CBFA2T2: variants seen among roughly 807,000 people sequenced by gnomAD.
The protein encoded by CBFA2T2 is CBFA2/RUNX1 partner transcriptional co-repressor 2.
A neutral mutation model predicts 62.2 loss-of-function variants in CBFA2T2; 11 were observed. That is an observed-to-expected ratio of 0.18 (90% CI 0.11 to 0.29). CBFA2T2 has a LOEUF of 0.29. CBFA2T2 is among the 10% of genes least tolerant of loss of function. CBFA2T2 has a pLI of 1.00. For missense variants in CBFA2T2, 592 were observed against 774.1 expected (o/e 0.76, Z 2.79); for synonymous variants, 295 against 287.5 (o/e 1.03, Z -0.27).
Position 33,644,889 on chromosome 20 carries a change from C to T in CBFA2T2, c.*243C>T, listed in dbSNP as rs2016996134. On this transcript the variant is annotated 3_prime_UTR_variant, in exon 11 of 11. Transcript: ENST00000342704. Reference sequence around the variant, plus strand: ...CCTGAGCTGCCTCCTCCATGGCTTTCCTGGTTTGTTCCTCTCTCCACTGAA... The same window carrying T: ...CCTGAGCTGCCTCCTCCATGGCTTTTCTGGTTTGTTCCTCTCTCCACTGAA... 5.8e-6 allele frequency: 3 copies of T among 516,370 alleles called. No individual in the cohort carries two copies. Among genetic ancestry groups the T allele is most frequent in the Non-Finnish European group, 1.0e-5 (3 of 293,310 alleles). The allele number at this position is 516,370 out of a possible 1,614,324, so 32.0% of individuals were successfully genotyped here. A position where few individuals can be genotyped will look rare whatever the true frequency, so the allele number is the denominator to read the frequency against.
At chr20:33,592,595 C>T (rs1269308689) in intron 1 of CBFA2T2, among the ~76,000 whole-genome samples, 1 of 151,944 alleles carries the variant, frequency 6.6e-6, no homozygotes, top group African/African-American at 2.4e-5. Flanking sequence ...CATTGTAGCA[C>T]ATCCCTGTAG....
At chr20:33,533,147 C>A (rs1408386179) in intron 1 of CBFA2T2, among the ~76,000 whole-genome samples, 1 of 152,062 alleles carries the variant, frequency 6.6e-6, no homozygotes, top group Non-Finnish European at 1.5e-5. Flanking sequence ...AATTGACTTA[C>A]AATAAACTAC....
chr20:33,515,814 A>C (rs894489491), intron 1 of CBFA2T2, among the ~76,000 whole-genome samples: 1 of 150,858 alleles, frequency 6.6e-6, no homozygotes, highest in East Asian at 1.9e-4. Context: ...AAAAAAAAAA[A>C]AAAAAAACGG....
intron 1 of CBFA2T2, among the ~76,000 whole-genome samples, chr20:33,590,192 G>A (rs913237973): frequency 6.6e-6 from 1 of 151,270 alleles, no homozygotes; most frequent in Non-Finnish European, 1.5e-5. Context: ...GCTGCAGTGA[G>A]CCTAGGTTAT....
chr20:33,539,700 TTG>T (rs2012360216), intron 1 of CBFA2T2, among the ~76,000 whole-genome samples: 1 of 151,660 alleles, frequency 6.6e-6, no homozygotes. Flanking sequence ...TTTTTTTTTT[TTG>T]GTAGAAGACA....
At chr20:33,572,582 C>T (rs533874401) in intron 1 of CBFA2T2, among the ~76,000 whole-genome samples, 1 of 152,034 alleles carries the variant, frequency 6.6e-6, no homozygotes, top group Non-Finnish European at 1.5e-5. Context: ...ATGAAATAGT[C>T]GGTGGATGTC....
intron 1 of CBFA2T2, among the ~76,000 whole-genome samples, chr20:33,492,570 A>C (rs141735356): frequency 5.3e-5 from 8 of 151,860 alleles, no homozygotes; most frequent in Non-Finnish European, 1.2e-4. Flanking sequence ...ACTGGAGTGC[A>C]GTGGCGTCAT....
chr20:33,517,153 C>G (rs1405730658), intron 1 of CBFA2T2, among the ~76,000 whole-genome samples: 1 of 152,184 alleles, frequency 6.6e-6, no homozygotes, highest in Non-Finnish European at 1.5e-5. Flanking sequence ...GCAGATCTAC[C>G]AATTACCTGT....
At chr20:33,619,737 T>G in intron 4 of CBFA2T2, 131 bp downstream of exon 4, 2 of 600,548 alleles carry the variant, frequency 3.3e-6, no homozygotes, top group Non-Finnish European at 5.7e-6. Context: ...TAGAGAGGTC[T>G]GAGTGCAGTT....
chr20:33,630,223 C>CAGGCCTG (rs1424849052), intron 8 of CBFA2T2, among the ~76,000 whole-genome samples: 2 of 152,280 alleles, frequency 1.3e-5, no homozygotes, highest in Non-Finnish European at 2.9e-5. Flanking sequence ...ACCAGGATTA[C>CAGGCCTG]AGGCCTGAGC....
At chr20:33,572,498 AT>A (rs1180196113) in intron 1 of CBFA2T2, among the ~76,000 whole-genome samples, 1 of 152,246 alleles carries the variant, frequency 6.6e-6, no homozygotes, top group African/African-American at 2.4e-5. Flanking sequence ...TAACAAAAAA[AT>A]ATGTATATGA....
At chr20:33,529,235 C>G (rs993361801) in intron 1 of CBFA2T2, among the ~76,000 whole-genome samples, 1 of 151,892 alleles carries the variant, frequency 6.6e-6, no homozygotes, top group African/African-American at 2.4e-5. Context: ...CTGTGTTAGC[C>G]AGGATGGTCT....
intron 2 of CBFA2T2, among the ~76,000 whole-genome samples, chr20:33,610,167 G>A (rs924423298): frequency 6.6e-6 from 1 of 152,158 alleles, no homozygotes; most frequent in South Asian, 2.1e-4. Context: ...GCATGTGCCT[G>A]TAGTCCCAGC....
intron 1 of CBFA2T2, among the ~76,000 whole-genome samples, chr20:33,582,933 C>T (rs1342510088): frequency 2.0e-5 from 3 of 149,292 alleles, no homozygotes; most frequent in African/African-American, 7.4e-5. Context: ...CAGAGCAAGA[C>T]AGTCTAAAAA....
chr20:33,550,608 G>GTTAT (rs55635841), intron 1 of CBFA2T2, among the ~76,000 whole-genome samples: 8,302 of 150,180 alleles, frequency 0.055, 278 homozygotes, highest in South Asian at 0.065. Context: ...TACTAATGTG[G>GTTAT]TTATTTATTT....
chr20:33,629,348 A>C (rs2016364688), intron 7 of CBFA2T2, among the ~76,000 whole-genome samples: 1 of 152,240 alleles, frequency 6.6e-6, no homozygotes, highest in African/African-American at 2.4e-5. Flanking sequence ...TTTCTGTTAG[A>C]AATGTGTGTG....
chr20:33,512,375 A>G (rs1266488449), intron 1 of CBFA2T2, among the ~76,000 whole-genome samples: 3 of 152,170 alleles, frequency 2.0e-5, no homozygotes, highest in Non-Finnish European at 4.4e-5. Flanking sequence ...AAAAGAAAAC[A>G]TTAACAGCAA....
intron 9 of CBFA2T2, among the ~76,000 whole-genome samples, chr20:33,640,009 G>A (rs1193501723): frequency 6.6e-6 from 1 of 152,192 alleles, no homozygotes; most frequent in Non-Finnish European, 1.5e-5. Context: ...GCCCACTGAA[G>A]AGCTGATCAC....
intron 1 of CBFA2T2, among the ~76,000 whole-genome samples, chr20:33,510,335 C>T (rs1408069525): frequency 3.3e-5 from 5 of 151,920 alleles, no homozygotes; most frequent in South Asian, 4.2e-4. Context: ...CTCAGCCTCC[C>T]GAGTAGCTGG....
Sources: allele counts gnomAD v4.1 joint callset (sites outside exome capture counted in the v4.1 genomes callset), GRCh38; gene constraint gnomAD v4.1.1; transcripts MANE v1.5; gene names NCBI Gene and HGNC (gene_info 2026-07-23, HGNC 2026-07-21).